The following SLC35F1 variants were observed in gnomAD, a reference collection of about 807,000 sequenced individuals.
The protein encoded by SLC35F1 is chromosome 6 open reading frame 169.
Under a neutral mutation model 48.7 loss-of-function variants are expected in SLC35F1, and 14 were observed. The ratio of observed to expected loss-of-function variants is 0.29; its 90% confidence interval spans 0.19 to 0.45. The LOEUF (loss-of-function observed/expected upper bound fraction) is 0.45, where lower values mean the gene tolerates loss of function less well. Among genes scored for constraint, SLC35F1 ranks in the 20% least tolerant of loss-of-function variants. SLC35F1 has a pLI of 1.00. For missense variants in SLC35F1, 404 were observed against 500.0 expected, an observed-to-expected ratio of 0.81 and a Z score of 1.83; for synonymous variants, 190 against 202.2, an observed-to-expected ratio of 0.94 and a Z score of 0.51.
chr6:118,087,748 T>C (rs1380912177), intron 1 of SLC35F1, among the ~76,000 whole-genome samples: 3 of 152,194 alleles, frequency 2.0e-5, no homozygotes, highest in Non-Finnish European at 4.4e-5. Context: ...ACTGTTTTCC[T>C]GGTCTGTGCT....
chr6:118,125,376 T>G (rs953286160), intron 1 of SLC35F1, among the ~76,000 whole-genome samples: 1 of 142,906 alleles, frequency 7.0e-6, no homozygotes, highest in African/African-American at 2.6e-5. Flanking sequence ...TATGGTATTT[T>G]GGGGGGGGGG....
intron 1 of SLC35F1, among the ~76,000 whole-genome samples, chr6:118,106,234 C>T (rs527316586): frequency 1.3e-5 from 2 of 152,280 alleles, no homozygotes; most frequent in South Asian, 4.1e-4. Context: ...TGGATCCCAT[C>T]CCTTCTGCTT....
At chr6:118,275,389 C>A in intron 4 of SLC35F1, 70 bp from the exon 5 acceptor site, 1 of 1,499,444 alleles carries the variant, frequency 6.7e-7, no homozygotes, top group Non-Finnish European at 9.0e-7. Context: ...GCTCAATTTG[C>A]CGATGCCAGA....
chr6:118,141,372 C>A (rs1369871228), intron 1 of SLC35F1, among the ~76,000 whole-genome samples: 1 of 152,062 alleles, frequency 6.6e-6, no homozygotes, highest in Admixed American at 6.6e-5. Context: ...GTAGGCTATA[C>A]CATCTAGGTT....
At chr6:118,083,811 C>G (rs183615946) in intron 1 of SLC35F1, among the ~76,000 whole-genome samples, 2 of 152,126 alleles carry the variant, frequency 1.3e-5, no homozygotes, top group African/African-American at 4.8e-5. Flanking sequence ...TTCATTGTTG[C>G]CACTTCAAAT....
At chr6:118,096,536 G>A (rs890143065) in intron 1 of SLC35F1, among the ~76,000 whole-genome samples, 1 of 152,108 alleles carries the variant, frequency 6.6e-6, no homozygotes, top group South Asian at 2.1e-4. Context: ...AGCAGTTCCT[G>A]GTCATCCAAG....
intron 1 of SLC35F1, among the ~76,000 whole-genome samples, chr6:118,074,124 A>G (rs1429223527): frequency 6.6e-6 from 1 of 152,202 alleles, no homozygotes; most frequent in Non-Finnish European, 1.5e-5. Context: ...TTGCATTAAA[A>G]GTTGAGAAAC....
chr6:118,111,930 C>T (rs1013824123), intron 1 of SLC35F1, among the ~76,000 whole-genome samples: 3 of 152,064 alleles, frequency 2.0e-5, no homozygotes, highest in Non-Finnish European at 2.9e-5. Flanking sequence ...GGCTGCATTC[C>T]CAGAAAGTTA....
chr6:117,949,487 AT>A (rs914685932), intron 1 of SLC35F1, among the ~76,000 whole-genome samples: 2 of 152,064 alleles, frequency 1.3e-5, no homozygotes, highest in African/African-American at 4.8e-5. Context: ...AAAAATTTGA[AT>A]TTAAAGCCTC....
intron 1 of SLC35F1, among the ~76,000 whole-genome samples, chr6:118,153,355 G>T (rs1221917274): frequency 6.6e-6 from 1 of 152,134 alleles, no homozygotes; most frequent in Non-Finnish European, 1.5e-5. Flanking sequence ...CAATTGTTCT[G>T]CTTTGATTAT....
At chr6:118,004,442 A>G (rs1777147393) in intron 1 of SLC35F1, among the ~76,000 whole-genome samples, 1 of 152,238 alleles carries the variant, frequency 6.6e-6, no homozygotes, top group African/African-American at 2.4e-5. Flanking sequence ...CTATGTAAAC[A>G]ATGTACTAAC....
chr6:117,927,720 T>C (rs909315006), intron 1 of SLC35F1, among the ~76,000 whole-genome samples: 5 of 152,196 alleles, frequency 3.3e-5, no homozygotes, highest in African/African-American at 9.6e-5. Flanking sequence ...ATTTGTTGAA[T>C]GAATGAATGA....
intron 6 of SLC35F1, among the ~76,000 whole-genome samples, chr6:118,282,892 C>G (rs1200912977): frequency 6.6e-6 from 1 of 152,164 alleles, no homozygotes; most frequent in African/African-American, 2.4e-5. Context: ...GTGACACCGC[C>G]ATTCTAACTG....
At chr6:117,923,584 T>TATATGTAC (rs1775933042) in intron 1 of SLC35F1, among the ~76,000 whole-genome samples, 1 of 62,416 alleles carries the variant, frequency 1.6e-5, no homozygotes. Context: ...TATGTGTGTG[T>TATATGTAC]ATATATACAT....
intron 2 of SLC35F1, among the ~76,000 whole-genome samples, chr6:118,170,651 G>A (rs903174109): frequency 5.9e-5 from 9 of 152,020 alleles, no homozygotes; most frequent in African/African-American, 1.7e-4. Context: ...ATGTTACTCA[G>A]GCTGGTCTCA....
chr6:118,222,552 AC>A (rs1775165461), intron 2 of SLC35F1, among the ~76,000 whole-genome samples: 1 of 152,098 alleles, frequency 6.6e-6, no homozygotes, highest in African/African-American at 2.4e-5. Flanking sequence ...CTCATCTACC[AC>A]CTACAGGTAT....
chr6:118,092,694 C>G (rs1323391103), intron 1 of SLC35F1, among the ~76,000 whole-genome samples: 1 of 152,190 alleles, frequency 6.6e-6, no homozygotes, highest in Non-Finnish European at 1.5e-5. Context: ...CCACCTCTTG[C>G]ATCAGTGTGC....
At chr6:118,106,914 G>GTC (rs2114375216) in intron 1 of SLC35F1, among the ~76,000 whole-genome samples, 1 of 152,206 alleles carries the variant, frequency 6.6e-6, no homozygotes, top group African/African-American at 2.4e-5. Flanking sequence ...GCTCCTTACT[G>GTC]AAATGTCACC....
At chr6:118,174,924 TC>T (rs1774464661) in intron 2 of SLC35F1, among the ~76,000 whole-genome samples, 1 of 151,706 alleles carries the variant, frequency 6.6e-6, no homozygotes, top group Non-Finnish European at 1.5e-5. Flanking sequence ...ATCATATAAG[TC>T]TGTAAACCAT....
Sources: gnomAD v4.1 joint callset for allele counts (sites outside exome capture counted in the v4.1 genomes callset) on GRCh38, gnomAD v4.1.1 for gene constraint, MANE v1.5 for transcripts, NCBI Gene and HGNC (gene_info 2026-07-23, HGNC 2026-07-21) for gene names.